The following NTRK3 variants were observed in gnomAD, a reference collection of about 807,000 sequenced individuals.
The protein encoded by NTRK3 is neurotrophic receptor tyrosine kinase 3.
In NTRK3, 24 loss-of-function variants were observed where a neutral mutation model predicts 91.7. The ratio of observed to expected loss-of-function variants is 0.26; its 90% CI spans 0.19 to 0.37. The LOEUF (loss-of-function observed/expected upper bound fraction) is 0.37, where lower values mean the gene tolerates loss of function less well. Ranked by LOEUF, NTRK3 falls within the 10% of genes least tolerant of loss-of-function variation. The pLI, the probability that NTRK3 is intolerant of heterozygous loss-of-function variation, is 1.00. For missense variants in NTRK3, 880 were observed against 1,068.9 expected (o/e 0.82, Z 2.46); for synonymous variants, 483 against 404.0 (o/e 1.20, Z -2.34).
At chr15:87,865,033 T>C (rs1470276921) in exon 19 of NTRK3, 1 of 214,166 alleles carries the variant, frequency 4.7e-6, no homozygotes, top group East Asian at 6.9e-5. Context: ...TTGAGCCCAA[T>C]CTTTTGTCAT....
At chr15:88,213,051 G>A (rs2049399932) in intron 3 of NTRK3, among the ~76,000 whole-genome samples, 1 of 152,234 alleles carries the variant, frequency 6.6e-6, no homozygotes, top group African/African-American at 2.4e-5. Flanking sequence ...TGAGGTTTAA[G>A]CCATAGTAAA....
chr15:87,930,904 G>T (rs1311036983), intron 16 of NTRK3, among the ~76,000 whole-genome samples: 4 of 152,074 alleles, frequency 2.6e-5, no homozygotes, highest in African/African-American at 9.7e-5. Context: ...TTCAGGAAGG[G>T]ATCCCATAGA....
intron 5 of NTRK3, among the ~76,000 whole-genome samples, chr15:88,158,464 A>C (rs112724878): frequency 5.9e-5 from 9 of 152,194 alleles, no homozygotes; most frequent in Admixed American, 6.5e-5. Flanking sequence ...ATGCCTGGGC[A>C]GGGCCTGAGG....
intron 3 of NTRK3, among the ~76,000 whole-genome samples, chr15:88,197,062 T>C (rs1046874944): frequency 7.8e-6 from 1 of 128,274 alleles, no homozygotes; most frequent in Non-Finnish European, 1.5e-5. Flanking sequence ...CACAGAGTGC[T>C]GTGATTAGAA....
At chr15:87,935,272 G>A (rs186915628) in intron 15 of NTRK3, among the ~76,000 whole-genome samples, 1 of 152,176 alleles carries the variant, frequency 6.6e-6, no homozygotes, top group African/African-American at 2.4e-5. Context: ...CCCAGCAAAG[G>A]TGCCAGGCTT....
At chr15:88,181,819 T>C (rs766950485) in intron 5 of NTRK3, among the ~76,000 whole-genome samples, 1 of 152,206 alleles carries the variant, frequency 6.6e-6, no homozygotes, top group East Asian at 1.9e-4. Flanking sequence ...TGATGACTGG[T>C]TGCCTCTTTG....
rs140091104 is a variant in NTRK3, at chr15:87,945,305, T to C, written c.1586-4552A>G. Among the ~76,000 whole-genome samples the C allele has an allele frequency of 2.3e-3, 345 of 152,334 alleles. 2 individuals are homozygous for C. The highest frequency in any genetic ancestry group is 7.9e-3 in the African/African-American group (328 of 41,588). On this transcript the variant is annotated intron_variant, in intron 14 of 18. Coordinates refer to ENST00000394480, the Ensembl canonical transcript of NTRK3. The stretch of plus-strand genomic sequence containing the variant: ...AGAGGAAGCCACCTGTAGATCTTCT[T>C]GTTCCCACAGGACAACCGGTTCATC...
At chr15:88,147,802 T>A (rs2043020948) in intron 5 of NTRK3, among the ~76,000 whole-genome samples, 2 of 151,894 alleles carry the variant, frequency 1.3e-5, no homozygotes, top group Middle Eastern at 3.2e-3. Context: ...CGCACACAGG[T>A]CAAAAAACTC....
At chr15:87,958,461 C>T (rs1299962385) in intron 14 of NTRK3, among the ~76,000 whole-genome samples, 1 of 152,034 alleles carries the variant, frequency 6.6e-6, no homozygotes, top group Non-Finnish European at 1.5e-5. Flanking sequence ...GTCTAGTGGT[C>T]TTTCACGTGT....
chr15:88,083,657 C>T (rs752443115), intron 13 of NTRK3, among the ~76,000 whole-genome samples: 1 of 152,206 alleles, frequency 6.6e-6, no homozygotes. Flanking sequence ...GTCATTGTGG[C>T]TCACATCAAT....
intron 5 of NTRK3, among the ~76,000 whole-genome samples, chr15:88,155,168 G>C (rs145793627): frequency 1.4e-4 from 22 of 152,324 alleles, no homozygotes; most frequent in African/African-American, 3.8e-4. Context: ...TTGAGATCAG[G>C]AAGTTATCAT....
chr15:88,169,823 A>G (rs2151494432), intron 5 of NTRK3, among the ~76,000 whole-genome samples: 1 of 152,266 alleles, frequency 6.6e-6, no homozygotes, highest in South Asian at 2.1e-4. Context: ...GTCCCCAGAA[A>G]GCCTCTTTCA....
At chr15:88,173,822 T>C (rs2045751375) in intron 5 of NTRK3, among the ~76,000 whole-genome samples, 1 of 152,258 alleles carries the variant, frequency 6.6e-6, no homozygotes, top group Non-Finnish European at 1.5e-5. Context: ...TCTGGAGCTC[T>C]AGAGGCAAGC....
At chr15:88,185,309 A>T (rs1317690480) in intron 3 of NTRK3, among the ~76,000 whole-genome samples, 1 of 152,230 alleles carries the variant, frequency 6.6e-6, no homozygotes, top group Non-Finnish European at 1.5e-5. Flanking sequence ...CATAAATTCC[A>T]GCCCAAAGCA....
intron 3 of NTRK3, among the ~76,000 whole-genome samples, chr15:88,193,314 G>A (rs772817423): frequency 5.3e-5 from 8 of 152,106 alleles, no homozygotes; most frequent in Non-Finnish European, 1.0e-4. Flanking sequence ...CAGGCATGCT[G>A]GAGGCATAAC....
chr15:88,082,120 C>CA (rs540226098), intron 13 of NTRK3, among the ~76,000 whole-genome samples: 16 of 151,612 alleles, frequency 1.1e-4, no homozygotes, highest in Middle Eastern at 3.4e-3. Flanking sequence ...ACTGAAAATA[C>CA]AAAAAAAATT....
chr15:88,184,363 C>A (rs2151622148), intron 3 of NTRK3, 64 bp from the exon 4 acceptor site: 4 of 1,484,830 alleles, frequency 2.7e-6, no homozygotes, highest in East Asian at 2.3e-5. Flanking sequence ...GGCTTTGGAG[C>A]CACAGAGACC....
At chr15:88,101,460 G>T (rs1004553253) in intron 13 of NTRK3, among the ~76,000 whole-genome samples, 2 of 152,298 alleles carry the variant, frequency 1.3e-5, no homozygotes, top group South Asian at 4.2e-4. Context: ...TCAGTGTGGC[G>T]ATTCCTCAGG....
chr15:87,893,007 T>C (rs1284599022), intron 17 of NTRK3, among the ~76,000 whole-genome samples: 2 of 152,244 alleles, frequency 1.3e-5, no homozygotes, highest in African/African-American at 4.8e-5. Context: ...GAAATGACAT[T>C]GAATGCAACT....
Sources: gnomAD v4.1 joint callset for allele counts (sites outside exome capture counted in the v4.1 genomes callset) on GRCh38, gnomAD v4.1.1 for gene constraint, MANE v1.5 for transcripts, NCBI Gene and HGNC (gene_info 2026-07-23, HGNC 2026-07-21) for gene names.